Variants in AMBRA1 observed in about 807,000 individuals in gnomAD.
AMBRA1 encodes activating molecule in BECN1-regulated autophagy protein 1.
AMBRA1 carries 47 observed loss-of-function variants against 125.4 expected under a neutral mutation model. The observed-to-expected ratio is 0.37, with a 90% CI of 0.30 to 0.48. AMBRA1 has a LOEUF of 0.48. AMBRA1 is among the 20% of genes least tolerant of loss of function. AMBRA1 has a pLI of 0.99. For missense variants in AMBRA1, 1,331 were observed against 1,693.4 expected (o/e 0.79, Z 3.76); for synonymous variants, 626 against 655.5 (o/e 0.95, Z 0.69).
intron 11 of AMBRA1, among the ~76,000 whole-genome samples, chr11:46,469,728 G>A (rs745332838): frequency 2.5e-4 from 38 of 151,800 alleles, no homozygotes; most frequent in Admixed American, 4.6e-4. Flanking sequence ...GCAGTGGTAC[G>A]ATCATTGCTC....
chr11:46,487,570 A>C (rs979539348), intron 11 of AMBRA1, among the ~76,000 whole-genome samples: 4 of 152,154 alleles, frequency 2.6e-5, no homozygotes, highest in Non-Finnish European at 5.9e-5. Flanking sequence ...AAAGAGGTAG[A>C]AGGGAATGGA....
Position 46,410,326 on chromosome 11 carries a change from G to A in AMBRA1, c.3159C>T (p.Asn1053=), listed in dbSNP as rs1429119847. 2.5e-6 allele frequency: 4 copies of A among 1,613,836 alleles called. No individual in the cohort carries two copies. Among genetic ancestry groups the A allele is most frequent in the Middle Eastern group, 1.6e-4 (1 of 6,070 alleles). Residue 1053 remains asparagine, a synonymous_variant, in exon 16 of 18, where the codon AAC becomes AAT. Coordinates refer to ENST00000683756, the MANE Select transcript of AMBRA1 (RefSeq NM_001387011.1). ...TGGAATGGACAGTGAAGACCGTCTCGTTCAGCTGGTCCCAGTAGTACTCAA... is the reference window on the plus strand; with the variant it reads ...TGGAATGGACAGTGAAGACCGTCTCATTCAGCTGGTCCCAGTAGTACTCAA... ...SGVEYYWDQL[N]ETVFTVHSNS... is the part of the protein sequence containing the mutation.
At chr11:46,509,050 A>G (rs1163996361) in intron 8 of AMBRA1, among the ~76,000 whole-genome samples, 1 of 152,244 alleles carries the variant, frequency 6.6e-6, no homozygotes, top group African/African-American at 2.4e-5. Flanking sequence ...AGAAAATCTA[A>G]CAGAAAAAAA....
At chr11:46,415,969 A>T (rs1946525283) in intron 15 of AMBRA1, among the ~76,000 whole-genome samples, 1 of 152,250 alleles carries the variant, frequency 6.6e-6, no homozygotes, top group Non-Finnish European at 1.5e-5. Context: ...TTCAGACATA[A>T]AAACCTTTAT....
At chr11:46,455,749 C>T (rs970212987) in intron 11 of AMBRA1, among the ~76,000 whole-genome samples, 49 of 152,324 alleles carry the variant, frequency 3.2e-4, no homozygotes, top group Admixed American at 2.0e-4. Context: ...TTGCCTTGAA[C>T]GCACCAGTGC....
At chr11:46,576,157 T>C (rs1338578487) in intron 1 of AMBRA1, among the ~76,000 whole-genome samples, 1 of 152,114 alleles carries the variant, frequency 6.6e-6, no homozygotes, top group Non-Finnish European at 1.5e-5. Flanking sequence ...CATCCCTGAG[T>C]ATGGATGTGA....
Position 46,542,830 on chromosome 11 carries a change from C to A in AMBRA1, c.1187G>T (p.Gly396Val). Residue 396 changes from glycine to valine, a missense_variant, in exon 7 of 18, where the codon GGA becomes GTA. Transcript: ENST00000683756. The surrounding 1 kb of genome is among the most constrained non-coding windows in gnomAD (Gnocchi z 5.9). ...AGAAGGGTGGCTAGACAGAGGCCCT[C>A]CCAAAGAGCGGCGGGTAGGACCCAG... ...LSLGPTRRSLGGPLSSHPSRY... is the reference protein window; with the variant it reads ...LSLGPTRRSLVGPLSSHPSRY... 4 of 1,614,036 alleles carry A rather than the reference C, an allele frequency of 2.5e-6. No homozygotes were observed. Among genetic ancestry groups the A allele is most frequent in the Non-Finnish European group, 1.7e-6 (2 of 1,180,002 alleles).
chr11:46,570,773 C>G (rs2043730169), intron 1 of AMBRA1, among the ~76,000 whole-genome samples: 1 of 151,978 alleles, frequency 6.6e-6, no homozygotes, highest in Non-Finnish European at 1.5e-5. Context: ...AAATTCAAGA[C>G]AGTTAACAAG....
chr11:46,582,750 T>C (rs906974681), intron 1 of AMBRA1, among the ~76,000 whole-genome samples: 1 of 152,104 alleles, frequency 6.6e-6, no homozygotes, highest in Non-Finnish European at 1.5e-5. Flanking sequence ...GGTTGTTAGT[T>C]GGAATGAAAA....
At chr11:46,518,132 CAGA>C (rs1442134412) in intron 7 of AMBRA1, 2 of 984,688 alleles carry the variant, frequency 2.0e-6, no homozygotes, top group East Asian at 2.3e-4. Flanking sequence ...CATTTGTTTT[CAGA>C]AGAATTACTC....
At chr11:46,432,603 C>G (rs1947507021) in intron 14 of AMBRA1, among the ~76,000 whole-genome samples, 1 of 152,128 alleles carries the variant, frequency 6.6e-6, no homozygotes, top group African/African-American at 2.4e-5. Flanking sequence ...AAATGAGGGA[C>G]CTGAGGGATA....
intron 11 of AMBRA1, among the ~76,000 whole-genome samples, chr11:46,480,951 T>C (rs1012306283): frequency 2.0e-5 from 3 of 152,200 alleles, no homozygotes; most frequent in African/African-American, 7.2e-5. Flanking sequence ...ATAAATTTTC[T>C]CAACTAGGCT....
intron 13 of AMBRA1, among the ~76,000 whole-genome samples, chr11:46,434,115 CAAAAAAA>C (rs145761376): frequency 5.6e-5 from 3 of 53,556 alleles, no homozygotes; most frequent in South Asian, 8.0e-4. Context: ...AACTCCGTCT[CAAAAAAA>C]AAAAAAAAAA....
chr11:46,573,130 C>T (rs1037836019), intron 1 of AMBRA1, among the ~76,000 whole-genome samples: 2 of 148,252 alleles, frequency 1.3e-5, no homozygotes, highest in African/African-American at 5.0e-5. Flanking sequence ...TCTGGCCAGG[C>T]ATGGTGGCTC....
At position 46,594,011 on chromosome 11, in the gene AMBRA1, A is replaced by G. The variant is rs968634248; in HGVS notation, c.-304T>C. On this transcript the variant is annotated 5_prime_UTR_variant, in exon 1 of 18. The change abolishes an upstream ATG in the 5' untranslated region. Transcript: ENST00000683756. ...CCGGCGCCGCCGCCGCTCAGGAGACATCAAGCAAGAAGACGGCGCAAAAGA... is the reference window on the plus strand; with the variant it reads ...CCGGCGCCGCCGCCGCTCAGGAGACGTCAAGCAAGAAGACGGCGCAAAAGA... 3 of 398,544 alleles carry G rather than the reference A, an allele frequency of 7.5e-6. No individual in the cohort carries two copies. In the East Asian group the frequency reaches 1.1e-4, roughly 14 times the overall value. 24.7% of individuals were successfully genotyped at this position (398,544 alleles called of 1,614,324 possible). A position where few individuals can be genotyped will look rare whatever the true frequency, so the allele number is the denominator to read the frequency against.
At chr11:46,584,465 C>A (rs906632501) in intron 1 of AMBRA1, among the ~76,000 whole-genome samples, 1 of 149,426 alleles carries the variant, frequency 6.7e-6, no homozygotes, top group African/African-American at 2.5e-5. Context: ...ATGGCACATG[C>A]ATACATATGT....
rs549778561 is a variant in AMBRA1 at position 46,579,624 on chromosome 11, C to G, written c.-121+14204G>C. The stretch of plus-strand genomic sequence containing the variant: ...CCTGGCAAGATACCAAGCTAAGCAG[C>G]CAAGAATACAAAAAATGGAAAGGTA... On this transcript the variant is annotated intron_variant, in intron 1 of 17. Transcript: ENST00000683756. Among the ~76,000 whole-genome samples the G allele has an allele frequency of 8.5e-5, 13 of 152,262 alleles. No individual in the cohort carries two copies. The South Asian group carries it at 2.1e-3, about 24-fold the overall frequency.
At chr11:46,538,220 T>A (rs548464561) in intron 7 of AMBRA1, among the ~76,000 whole-genome samples, 1 of 152,226 alleles carries the variant, frequency 6.6e-6, no homozygotes, top group African/African-American at 2.4e-5. Flanking sequence ...TCAGCCCTTA[T>A]GGTATACGAC....
At chr11:46,438,058 T>C (rs1388840140) in intron 12 of AMBRA1, among the ~76,000 whole-genome samples, 1 of 152,132 alleles carries the variant, frequency 6.6e-6, no homozygotes, top group African/African-American at 2.4e-5. Context: ...ACCTGAGAAA[T>C]GCGACCTTGT....
Sources: gnomAD v4.1 joint callset for allele counts (sites outside exome capture counted in the v4.1 genomes callset) on GRCh38, gnomAD v4.1.1 for gene constraint, Gnocchi (gnomAD v3.1) non-coding constraint, MANE v1.5 for transcripts, NCBI Gene and HGNC (gene_info 2026-07-23, HGNC 2026-07-21) for gene names.